PLA2G4E: variants seen among roughly 807,000 people sequenced by gnomAD.
The protein encoded by PLA2G4E is phospholipase A2 group IVE, also known as cytosolic phospholipase A2 epsilon.
PLA2G4E carries 84 observed loss-of-function variants against 109.1 expected under a neutral mutation model. The ratio of observed to expected loss-of-function variants is 0.77; its 90% CI spans 0.65 to 0.92. PLA2G4E has a LOEUF of 0.92. Among genes scored for constraint, PLA2G4E ranks in the 40% least tolerant of loss-of-function variants. The pLI is 0.00. For synonymous variants in PLA2G4E, 469 were observed against 436.1 expected (o/e 1.08, Z -0.94); for missense variants, 1,057 against 1,076.6 (o/e 0.98, Z 0.25).
rs755854674 is a variant in PLA2G4E, at chr15:41,995,513, G to C, written c.1111-17C>G. 1 of 1,609,914 alleles carries C rather than the reference G, an allele frequency of 6.2e-7. No homozygotes were observed. The highest frequency in any genetic ancestry group is 1.7e-5 in the Admixed American group (1 of 59,956). On this transcript the variant is annotated splice_polypyrimidine_tract_variant and intron_variant, in intron 11 of 19. Coordinates refer to ENST00000399518, the Ensembl canonical transcript of PLA2G4E. ...CAGCGGCACCTGGGGTTACACAGAGGCAGGCGGTTGGGGAAGGCTCCAGAA... is the reference window on the plus strand; with the variant it reads ...CAGCGGCACCTGGGGTTACACAGAGCCAGGCGGTTGGGGAAGGCTCCAGAA...
At chr15:42,044,575 A>G (rs897600806) in intron 1 of PLA2G4E, among the ~76,000 whole-genome samples, 2 of 143,712 alleles carry the variant, frequency 1.4e-5, no homozygotes, top group South Asian at 4.6e-4. Flanking sequence ...ACAGGTGAGA[A>G]CTGAACAATG....
At chr15:41,996,523 C>T (rs2068344231) in intron 11 of PLA2G4E, among the ~76,000 whole-genome samples, 1 of 152,212 alleles carries the variant, frequency 6.6e-6, no homozygotes. Flanking sequence ...TAGGGTCAGC[C>T]TCAGAAAGCA....
Position 42,026,473 on chromosome 15 carries a change from A to C in PLA2G4E, c.184-12716T>G, listed in dbSNP as rs370111321. ...ATGCAAATTCATCAGAAATGCAAATAAAAATGAAAATGAGATTTTACTACA... is the reference window on the plus strand; with the variant it reads ...ATGCAAATTCATCAGAAATGCAAATCAAAATGAAAATGAGATTTTACTACA... On this transcript the variant is annotated intron_variant, in intron 1 of 19. Transcript: ENST00000399518. 3.9e-5 allele frequency among the ~76,000 whole-genome samples: 6 copies of C among 152,370 alleles called. No individual in the cohort carries two copies. The East Asian group carries it at 5.8e-4, about 15-fold the overall frequency.
intron 1 of PLA2G4E, among the ~76,000 whole-genome samples, chr15:42,044,117 A>G (rs972401627): frequency 4.0e-4 from 61 of 152,326 alleles, no homozygotes; most frequent in African/African-American, 1.4e-3. Context: ...CAAAATCAAC[A>G]TGGTGCCTGC....
chr15:41,986,797 A>T (rs780515767), intron 17 of PLA2G4E: 2 of 242,520 alleles, frequency 8.2e-6, no homozygotes, highest in Non-Finnish European at 8.1e-6. Flanking sequence ...CTGGTGTTAC[A>T]GGTATGAGCC....
At chr15:41,987,996 G>A in intron 16 of PLA2G4E, 53 bp downstream of exon 16, 1 of 1,399,464 alleles carries the variant, frequency 7.1e-7, no homozygotes, top group South Asian at 1.3e-5. Context: ...AGCCATGAGG[G>A]AAAGCCGGTG....
intron 18 of PLA2G4E, among the ~76,000 whole-genome samples, chr15:41,985,476 G>A (rs1349869323): frequency 6.6e-6 from 1 of 152,242 alleles, no homozygotes; most frequent in Non-Finnish European, 1.5e-5. Flanking sequence ...GGAAGGGAGA[G>A]TGTGATCATT....
intron 1 of PLA2G4E, among the ~76,000 whole-genome samples, chr15:42,016,751 A>G (rs1418995215): frequency 6.6e-6 from 1 of 152,234 alleles, no homozygotes; most frequent in Admixed American, 6.5e-5. Context: ...AACCAGGACA[A>G]AAGTCAAACT....
intron 2 of PLA2G4E, among the ~76,000 whole-genome samples, chr15:42,011,446 G>A (rs756371396): frequency 2.0e-5 from 3 of 152,268 alleles, no homozygotes; most frequent in Non-Finnish European, 4.4e-5. Context: ...TGGAGGGCTG[G>A]GCATAGTGGT....
intron 1 of PLA2G4E, among the ~76,000 whole-genome samples, chr15:42,041,057 G>A (rs1016703775): frequency 6.6e-6 from 1 of 152,164 alleles, no homozygotes; most frequent in Admixed American, 6.5e-5. Flanking sequence ...GTGTGAGGAA[G>A]AGTCAGTAAA....
intron 1 of PLA2G4E, among the ~76,000 whole-genome samples, chr15:42,048,850 A>T (rs1006044994): frequency 6.6e-6 from 1 of 152,260 alleles, no homozygotes; most frequent in Non-Finnish European, 1.5e-5. Context: ...CACCACTTGA[A>T]TGAGGCCAAT....
intron 1 of PLA2G4E, among the ~76,000 whole-genome samples, chr15:42,028,403 A>ATTTATTTC (rs61100580): frequency 0.65 from 93,868 of 144,934 alleles, 29,537 homozygotes; most frequent in East Asian, 0.82. Flanking sequence ...TTATTTATTT[A>ATTTATTTC]TTTATTTATT....
At chr15:42,005,388 T>A (rs1359752060) in intron 4 of PLA2G4E, among the ~76,000 whole-genome samples, 1 of 152,254 alleles carries the variant, frequency 6.6e-6, no homozygotes, top group Non-Finnish European at 1.5e-5. Flanking sequence ...TGCTGTGTAC[T>A]GGAGGCAAGC....
rs369242556 is a variant in PLA2G4E at position 41,990,778 on chromosome 15, G to A, written c.1471-543C>T. On this transcript the variant is annotated intron_variant, in intron 13 of 19. Transcript: ENST00000399518. ...TTTTTTTTTTTTAACAAAAGACTTA[G>A]GACTTGAACACTAGATGGTTGCTGA... 6.2e-3 allele frequency among the ~76,000 whole-genome samples: 730 copies of A among 118,424 alleles called. 3 individuals are homozygous for A. Among genetic ancestry groups the A allele is most frequent in the Middle Eastern group, 0.04 (7 of 176 alleles). 77.7% of individuals were successfully genotyped at this position (118,424 alleles called of 152,430 possible). A position where few individuals can be genotyped will look rare whatever the true frequency, so the allele number is the denominator to read the frequency against.
rs145071228 is a variant in PLA2G4E at position 42,028,157 on chromosome 15, G to A, written c.184-14400C>T. 4.1e-3 allele frequency among the ~76,000 whole-genome samples: 622 copies of A among 152,310 alleles called. 4 individuals carry two copies. The highest frequency in any genetic ancestry group is 5.4e-3 in the Non-Finnish European group (370 of 68,026). ...AATGTTTACAAAGTAGCAGGGACTG[G>A]TCTAAGTATTTTATATTGCCTGCCA... On this transcript the variant is annotated intron_variant, in intron 1 of 19. Coordinates refer to ENST00000399518, the Ensembl canonical transcript of PLA2G4E.
exon 8 of PLA2G4E, chr15:42,000,207 C>A: frequency 1.3e-6 from 2 of 1,590,930 alleles, no homozygotes; most frequent in Non-Finnish European, 1.7e-6. Flanking sequence ...AGAGGTTGGG[C>A]AGCAGGGTTC....
At chr15:42,004,382 GAGGA>G (rs1338515831) in intron 5 of PLA2G4E, among the ~76,000 whole-genome samples, 76 of 137,178 alleles carry the variant, frequency 5.5e-4, no homozygotes, top group Non-Finnish European at 1.6e-4. Context: ...GAGAAAAAGG[GAGGA>G]AGGGAGGGAG....
chr15:42,021,812 T>TTGC (rs1402210310), intron 1 of PLA2G4E, among the ~76,000 whole-genome samples: 2 of 152,230 alleles, frequency 1.3e-5, no homozygotes, highest in African/African-American at 4.8e-5. Context: ...GCCTGAGCTA[T>TTGC]TGCCTGGGGC....
intron 1 of PLA2G4E, among the ~76,000 whole-genome samples, chr15:42,022,299 G>T (rs1439799912): frequency 1.3e-5 from 2 of 152,160 alleles, no homozygotes; most frequent in African/African-American, 4.8e-5. Context: ...ATGGTTTACA[G>T]CAGTAGTCCC....
Sources: allele counts gnomAD v4.1 joint callset (sites outside exome capture counted in the v4.1 genomes callset), GRCh38; gene constraint gnomAD v4.1.1; transcripts MANE v1.5; gene names NCBI Gene and HGNC (gene_info 2026-07-23, HGNC 2026-07-21).